NGEF: variants seen among roughly 807,000 people sequenced by gnomAD.
The protein encoded by NGEF is ephexin-1.
Under a neutral mutation model 80.9 loss-of-function variants are expected in NGEF, and 31 were observed. That is an observed-to-expected ratio of 0.38 (90% CI 0.29 to 0.52). NGEF has a LOEUF of 0.52. NGEF is among the 20% of genes least tolerant of loss of function. The probability of loss-of-function intolerance (pLI) is 0.84; values close to 1 mark genes in which losing one functional copy is unlikely to be tolerated. For synonymous variants in NGEF, 371 were observed against 370.2 expected, an observed-to-expected ratio of 1.00 and a Z score of -0.03; for missense variants, 709 against 926.2, an observed-to-expected ratio of 0.77 and a Z score of 3.04.
chr2:233,000,023 A>G (rs1476156884), intron 1 of NGEF, among the ~76,000 whole-genome samples: 1 of 152,238 alleles, frequency 6.6e-6, no homozygotes, highest in Non-Finnish European at 1.5e-5. Context: ...ATTTTACAAC[A>G]GTTTTGGAAC....
At chr2:233,007,974 G>A (rs142564236) in intron 1 of NGEF, among the ~76,000 whole-genome samples, 1 of 152,188 alleles carries the variant, frequency 6.6e-6, no homozygotes, top group Non-Finnish European at 1.5e-5. Flanking sequence ...AGAAAGGAAG[G>A]CTTTCCTCCA....
chr2:232,977,419 G>T (rs1559232405), intron 1 of NGEF, among the ~76,000 whole-genome samples: 1 of 152,288 alleles, frequency 6.6e-6, no homozygotes, highest in East Asian at 1.9e-4. Context: ...GCTGCTTTGG[G>T]GGCTGACGTC....
In NGEF at chr2:232,956,582, C is replaced by A. The variant is rs928444794; in HGVS notation, c.383+13632G>T. 9.9e-5 allele frequency among the ~76,000 whole-genome samples: 15 copies of A among 151,998 alleles called. 1 individual carries two copies. The highest frequency in any genetic ancestry group is 9.8e-4 in the Admixed American group (15 of 15,260). Reference sequence around the variant, plus strand: ...AGGAGTTCGAGACCAGCCTGGCCAACATGGCGAAACTCCGTCTCTACTAAA... The same window carrying A: ...AGGAGTTCGAGACCAGCCTGGCCAAAATGGCGAAACTCCGTCTCTACTAAA... On this transcript the variant is annotated intron_variant, in intron 3 of 14. Coordinates refer to ENST00000264051, the MANE Select transcript of NGEF (RefSeq NM_019850.3).
intron 14 of NGEF, among the ~76,000 whole-genome samples, chr2:232,880,865 G>A (rs528933520): frequency 2.0e-5 from 3 of 152,196 alleles, no homozygotes; most frequent in Admixed American, 6.5e-5. Context: ...AGGGGGACAC[G>A]AAGCCACCCG....
chr2:232,965,792 C>T (rs1322313837), intron 3 of NGEF, among the ~76,000 whole-genome samples: 2 of 152,072 alleles, frequency 1.3e-5, no homozygotes, highest in African/African-American at 4.8e-5. Flanking sequence ...GTGGAGCTGG[C>T]GGTTCCTGCT....
Position 232,970,259 on chromosome 2 carries a change from G to A in NGEF, c.338C>T (p.Pro113Leu), listed in dbSNP as rs1694158032. 1 of 1,605,830 alleles carries A rather than the reference G, an allele frequency of 6.2e-7. No homozygotes were observed. Among genetic ancestry groups the A allele is most frequent in the Non-Finnish European group, 8.5e-7 (1 of 1,177,414 alleles). ...GTCTGTCTGCATTGCTGTTCTGCAA[G>A]GAGGCATTCTGCTCCAGGGGATATT... ...TLNIPWSRMP[P>L]CRTAMQTDPG... The change falls in exon 3 of 15, where the codon CCT becomes CTT. Residue 113 changes from proline (P) to leucine (L), a missense_variant. This residue lies in a region of NGEF where 283 missense variants were observed against 303.4 expected (regional missense o/e 0.93). Coordinates refer to ENST00000264051, the MANE Select transcript of NGEF (RefSeq NM_019850.3).
Position 232,993,145 on chromosome 2 carries a change from ATATGGGCAAATATATATATAT to A in NGEF, c.-74-18202_-74-18182del, listed in dbSNP as rs1694690163. 2.4e-5 allele frequency among the ~76,000 whole-genome samples: 3 copies of A among 127,240 alleles called. No individual in the cohort carries two copies. In the South Asian group the frequency reaches 6.7e-4, roughly 29 times the overall value. 83.5% of individuals were successfully genotyped at this position (127,240 alleles called of 152,430 possible). A position where few individuals can be genotyped will look rare whatever the true frequency, so the allele number is the denominator to read the frequency against. On this transcript the variant is annotated intron_variant, in intron 1 of 14. Transcript: ENST00000264051. ...AATAAATATATATTTATTTATATAT[ATATGGGCAAATATATATATAT>A]TATATATATAAATAAATATATATAT...
chr2:232,903,780 T>A (rs1453446630), intron 5 of NGEF, among the ~76,000 whole-genome samples: 1 of 152,210 alleles, frequency 6.6e-6, no homozygotes. Context: ...CAGAAAAATA[T>A]ATAATTCAGT....
intron 1 of NGEF, among the ~76,000 whole-genome samples, chr2:233,007,218 T>C (rs1695102627): frequency 6.6e-6 from 1 of 152,208 alleles, no homozygotes; most frequent in Non-Finnish European, 1.5e-5. Flanking sequence ...CACTCCAGCC[T>C]GAGCAACAGA....
At chr2:232,917,671 A>C (rs902869728) in intron 5 of NGEF, among the ~76,000 whole-genome samples, 1 of 152,064 alleles carries the variant, frequency 6.6e-6, no homozygotes, top group East Asian at 1.9e-4. Flanking sequence ...TAAGATGACA[A>C]AACAAGATGA....
chr2:232,901,098 T>C lies in NGEF; in HGVS notation c.829-6182A>G, dbSNP rs1274219084. Among the ~76,000 whole-genome samples the C allele has an allele frequency of 5.3e-5, 8 of 152,136 alleles. No homozygotes were observed. In the East Asian group the frequency reaches 9.6e-4, roughly 18 times the overall value. On this transcript the variant is annotated intron_variant, in intron 5 of 14. Coordinates refer to ENST00000264051, the MANE Select transcript of NGEF (RefSeq NM_019850.3). ...CTGCAGGAAGCCAACCTGCTCCTGA[T>C]GGAGAAAGGCGGAAGCTTTACCAGC...
At position 232,879,627 on chromosome 2, in the gene NGEF, G is replaced by A; in HGVS notation, c.1995C>T (p.Ser665=). Residue 665 remains serine, a synonymous_variant, in exon 15 of 15, where the codon AGC becomes AGT. Transcript: ENST00000264051. ...LHDQERGWFP[S]SMTEEILNPK... ...GATTCAAGATCTCCTCAGTCATGGAGCTGGGGAACCAGCCTCTCTCCTGGT... is the reference window on the plus strand; with the variant it reads ...GATTCAAGATCTCCTCAGTCATGGAACTGGGGAACCAGCCTCTCTCCTGGT... 1 of 1,613,492 alleles carries A rather than the reference G, an allele frequency of 6.2e-7. No individual in the cohort carries two copies.
chr2:233,004,618 CAT>C (rs1326056989), intron 1 of NGEF, among the ~76,000 whole-genome samples: 12 of 152,336 alleles, frequency 7.9e-5, no homozygotes, highest in African/African-American at 2.9e-4. Context: ...TGGAAAAACA[CAT>C]AGTGCATCAC....
At chr2:232,987,647 C>T (rs1694559858) in intron 1 of NGEF, among the ~76,000 whole-genome samples, 1 of 152,020 alleles carries the variant, frequency 6.6e-6, no homozygotes, top group African/African-American at 2.4e-5. Flanking sequence ...TTCTGAGAGC[C>T]TAGGGTTATG....
intron 1 of NGEF, among the ~76,000 whole-genome samples, chr2:233,002,683 T>C (rs1339306504): frequency 2.0e-5 from 3 of 152,068 alleles, no homozygotes; most frequent in Non-Finnish European, 4.4e-5. Flanking sequence ...ACACACAGAA[T>C]ATTGTAAATG....
chr2:232,906,061 G>T (rs539020518), intron 5 of NGEF, among the ~76,000 whole-genome samples: 2 of 132,262 alleles, frequency 1.5e-5, no homozygotes, highest in African/African-American at 5.7e-5. Context: ...CCCCGTCCGG[G>T]AGGGAGGTGA....
In NGEF at chr2:232,995,132, T is replaced by C. The variant is rs1194970847; in HGVS notation, c.-75+17936A>G. 2.8e-4 allele frequency among the ~76,000 whole-genome samples: 3 copies of C among 10,790 alleles called. 1 individual carries two copies. The highest frequency in any genetic ancestry group is 1.1e-3 in the Admixed American group (1 of 910). 7.1% of individuals were successfully genotyped at this position (10,790 alleles called of 152,430 possible). ...TGTATATGTGTACAGTATGTATATA[T>C]GTACAGTATGTATATATGTACAGTA... On this transcript the variant is annotated intron_variant, in intron 1 of 14. Transcript: ENST00000264051.
At chr2:232,893,880 C>T (rs1691970207) in intron 6 of NGEF, among the ~76,000 whole-genome samples, 1 of 152,186 alleles carries the variant, frequency 6.6e-6, no homozygotes, top group Non-Finnish European at 1.5e-5. Context: ...GGCGCTGCCA[C>T]GAAGGGGTGA....
intron 1 of NGEF, among the ~76,000 whole-genome samples, chr2:232,992,774 C>T (rs748067520): frequency 6.6e-6 from 1 of 151,554 alleles, no homozygotes; most frequent in Non-Finnish European, 1.5e-5. Flanking sequence ...ATCACTTGAG[C>T]CCAGGACTTT....
Sources: gnomAD v4.1 joint callset for allele counts (sites outside exome capture counted in the v4.1 genomes callset) on GRCh38, gnomAD v4.1.1 for gene constraint, gnomAD v4.1.1 regional missense constraint, MANE v1.5 for transcripts, NCBI Gene and HGNC (gene_info 2026-07-23, HGNC 2026-07-21) for gene names.